Variants in SLC9C2 observed in about 807,000 individuals in gnomAD.
SLC9C2 encodes solute carrier family 9 member C2 (putative).
Under a neutral mutation model 140.2 loss-of-function variants are expected in SLC9C2, and 75 were observed. The observed-to-expected ratio is 0.53, with a 90% CI of 0.44 to 0.65. The LOEUF is 0.65. Ranked by LOEUF, SLC9C2 falls within the 30% of genes least tolerant of loss-of-function variation. The pLI is 0.00. For missense variants in SLC9C2, 1,074 were observed against 1,331.8 expected (o/e 0.81, Z 3.01); for synonymous variants, 375 against 420.9 (o/e 0.89, Z 1.34).
intron 11 of SLC9C2, among the ~76,000 whole-genome samples, chr1:173,550,872 A>AAGAGAGAGAGAGAGAGAGAGAGAGAG (rs143296396): frequency 1.8e-4 from 16 of 86,506 alleles, no homozygotes; most frequent in African/African-American, 7.8e-4. Context: ...GAGCCGTTGA[A>AAGAGAGAGAGAGAGAGAGAGAGAGAG]AGAGAGAGAG....
At chr1:173,512,655 C>T (rs899039247) in intron 23 of SLC9C2, among the ~76,000 whole-genome samples, 10 of 152,122 alleles carry the variant, frequency 6.6e-5, no homozygotes, top group African/African-American at 1.2e-4. Flanking sequence ...CTTTATCTTT[C>T]CTGATTGCCC....
At chr1:173,522,414 G>C (rs1262258198) in intron 21 of SLC9C2, among the ~76,000 whole-genome samples, 1 of 152,162 alleles carries the variant, frequency 6.6e-6, no homozygotes, top group Non-Finnish European at 1.5e-5. Flanking sequence ...TCTGCAGTTA[G>C]GGTAATAGCA....
intron 24 of SLC9C2, among the ~76,000 whole-genome samples, chr1:173,507,912 C>T (rs1467376271): frequency 2.0e-5 from 3 of 152,090 alleles, no homozygotes; most frequent in Non-Finnish European, 4.4e-5. Flanking sequence ...TTGTTACAGC[C>T]GTGCTTGCAA....
rs1004329188 is a variant in SLC9C2, at chr1:173,523,296, C to A, written c.2640+673G>T. Among the ~76,000 whole-genome samples, 17 of 151,766 alleles carry A rather than the reference C, an allele frequency of 1.1e-4. 1 individual carries two copies. Among genetic ancestry groups the A allele is most frequent in the Admixed American group, 1.0e-3 (16 of 15,240 alleles). On this transcript the variant is annotated intron_variant, in intron 21 of 27. Transcript: ENST00000367714. ...CTGAGGCAGGAGGATCACTTGAACC[C>A]GGGAGGCGGAGGTTGCAGTGAGCCG... is the stretch of plus-strand genomic sequence containing the variant.
chr1:173,505,396 A>G, intron 25 of SLC9C2, 65 bp from the exon 26 acceptor site: 1 of 1,224,576 alleles, frequency 8.2e-7, no homozygotes. Context: ...GCTGCTTCCT[A>G]ATCTTTCCAA....
intron 3 of SLC9C2, among the ~76,000 whole-genome samples, chr1:173,598,319 T>A (rs1300606136): frequency 6.6e-6 from 1 of 152,242 alleles, no homozygotes; most frequent in African/African-American, 2.4e-5. Flanking sequence ...ATCCCTACTA[T>A]TGGTGATATC....
At position 173,601,862 on chromosome 1, in the gene SLC9C2, A is replaced by G. The variant is rs1004868909; in HGVS notation, c.-79-7T>C. The G allele has an allele frequency of 7.3e-6, 11 of 1,516,512 alleles. No individual in the cohort carries two copies. The highest frequency in any genetic ancestry group is 8.9e-6 in the Non-Finnish European group (10 of 1,122,902). 93.9% of individuals were successfully genotyped at this position (1,516,512 alleles called of 1,614,324 possible). A position where few individuals can be genotyped will look rare whatever the true frequency, so the allele number is the denominator to read the frequency against. On this transcript the variant is annotated splice_polypyrimidine_tract_variant and splice_region_variant and intron_variant, in intron 1 of 27. Coordinates refer to ENST00000367714, the MANE Select transcript of SLC9C2 (RefSeq NM_178527.4). ...TTCACTTCTGCATGCTAACCTGTAT[A>G]GCATGCAAAAAGAACATGAGACCTA...
intron 13 of SLC9C2, among the ~76,000 whole-genome samples, chr1:173,540,298 G>T (rs1262634066): frequency 6.6e-6 from 1 of 152,292 alleles, no homozygotes; most frequent in Non-Finnish European, 1.5e-5. Context: ...GTGATCCAAA[G>T]CGAGACCAAC....
intron 21 of SLC9C2, among the ~76,000 whole-genome samples, chr1:173,523,139 A>G (rs1660943792): frequency 1.3e-5 from 2 of 152,282 alleles, no homozygotes; most frequent in South Asian, 4.1e-4. Context: ...TGGGAGGCCA[A>G]GGCGGGTGGA....
chr1:173,589,430 T>C (rs1438350196), intron 4 of SLC9C2, among the ~76,000 whole-genome samples: 1 of 152,014 alleles, frequency 6.6e-6, no homozygotes, highest in East Asian at 1.9e-4. Flanking sequence ...CATGGTGGCA[T>C]GTGCCTGTAG....
Position 173,545,877 on chromosome 1 carries a change from G to T in SLC9C2, c.1557+1812C>A, listed in dbSNP as rs1662810230. Reference sequence around the variant, plus strand: ...TTCACAAGTCTGGAAGTTAGGTACTGGCCCTTTTGCCTCAGTTTTCCTCTA... The same window carrying T: ...TTCACAAGTCTGGAAGTTAGGTACTTGCCCTTTTGCCTCAGTTTTCCTCTA... On this transcript the variant is annotated intron_variant, in intron 13 of 27. Transcript: ENST00000367714. Among the ~76,000 whole-genome samples the T allele has an allele frequency of 1.3e-5, 2 of 152,108 alleles. 1 individual carries two copies. The highest frequency in any genetic ancestry group is 4.1e-4 in the South Asian group (2 of 4,828).
At chr1:173,502,487 G>T (rs1659353448) in intron 27 of SLC9C2, among the ~76,000 whole-genome samples, 1 of 152,018 alleles carries the variant, frequency 6.6e-6, no homozygotes, top group Non-Finnish European at 1.5e-5. Context: ...CCCTAATAGA[G>T]ACCTCTACAG....
chr1:173,561,564 A>C (rs1266672387), intron 9 of SLC9C2, among the ~76,000 whole-genome samples: 1 of 152,068 alleles, frequency 6.6e-6, no homozygotes, highest in Non-Finnish European at 1.5e-5. Context: ...TTGTCAGAGA[A>C]ATGTGGGGTC....
At chr1:173,591,233 G>A (rs1207970437) in intron 4 of SLC9C2, among the ~76,000 whole-genome samples, 2 of 152,192 alleles carry the variant, frequency 1.3e-5, no homozygotes, top group African/African-American at 2.4e-5. Flanking sequence ...TGGCTGCACA[G>A]TATTCCATGG....
At chr1:173,581,720 A>G in intron 7 of SLC9C2, 127 bp downstream of exon 7, 1 of 666,932 alleles carries the variant, frequency 1.5e-6, no homozygotes, top group Admixed American at 3.5e-5. Flanking sequence ...TAAGTAAAAT[A>G]ATATGACAGG....
At chr1:173,539,263 A>T (rs890437465) in intron 13 of SLC9C2, among the ~76,000 whole-genome samples, 8 of 152,218 alleles carry the variant, frequency 5.3e-5, no homozygotes, top group African/African-American at 1.2e-4. Context: ...TCTTTTAGTA[A>T]GTCACTATAA....
intron 8 of SLC9C2, among the ~76,000 whole-genome samples, chr1:173,573,609 T>C (rs569269763): frequency 8.5e-5 from 13 of 152,300 alleles, no homozygotes; most frequent in African/African-American, 3.1e-4. Flanking sequence ...TGATGATTTA[T>C]CAATTTCTCT....
intron 4 of SLC9C2, among the ~76,000 whole-genome samples, chr1:173,595,636 A>C (rs1447806925): frequency 1.3e-5 from 2 of 152,210 alleles, no homozygotes. Context: ...AATAGAACAT[A>C]AAATTTTTAA....
intron 8 of SLC9C2, among the ~76,000 whole-genome samples, chr1:173,575,752 G>A (rs1360083344): frequency 1.3e-5 from 2 of 151,982 alleles, no homozygotes; most frequent in African/African-American, 4.8e-5. Flanking sequence ...AATTTTTTCT[G>A]TATTTTTAGT....
Sources: allele counts gnomAD v4.1 joint callset (sites outside exome capture counted in the v4.1 genomes callset), GRCh38; gene constraint gnomAD v4.1.1; transcripts MANE v1.5; gene names NCBI Gene and HGNC (gene_info 2026-07-23, HGNC 2026-07-21).